The following MYT1L variants were observed in gnomAD, a reference collection of about 807,000 sequenced individuals.
MYT1L encodes the protein myelin transcription factor 1 like, also known as myelin transcription factor 1-like protein.
A neutral mutation model predicts 126.7 loss-of-function variants in MYT1L; 12 were observed. That is an observed-to-expected ratio of 0.09 (90% confidence interval 0.06 to 0.15). The LOEUF (loss-of-function observed/expected upper bound fraction) is 0.15, where lower values mean the gene tolerates loss of function less well. MYT1L is among the 10% of genes least tolerant of loss of function. MYT1L has a pLI of 1.00. For missense variants in MYT1L, 979 were observed against 1,585.2 expected (o/e 0.62, Z 6.49); for synonymous variants, 541 against 604.2 (o/e 0.90, Z 1.53).
At chr2:2,037,717 C>T in intron 4 of MYT1L, among the ~76,000 whole-genome samples, 1 of 151,380 alleles carries the variant, frequency 6.6e-6, no homozygotes, top group Middle Eastern at 3.2e-3. Flanking sequence ...GATTGTGCCA[C>T]TTGCACTCCA....
intron 3 of MYT1L, among the ~76,000 whole-genome samples, chr2:2,067,279 A>G (rs2073998974): frequency 6.6e-6 from 1 of 152,232 alleles, no homozygotes; most frequent in Non-Finnish European, 1.5e-5. Flanking sequence ...AGGCCTATGA[A>G]TATTGCATGA....
intron 2 of MYT1L, among the ~76,000 whole-genome samples, chr2:2,197,602 CAT>C (rs1324760957): frequency 2.0e-5 from 3 of 149,542 alleles, no homozygotes; most frequent in African/African-American, 7.4e-5. Flanking sequence ...ATATATGTAA[CAT>C]ATACACACGT....
intron 8 of MYT1L, among the ~76,000 whole-genome samples, chr2:1,969,130 T>C (rs1012997966): frequency 3.9e-5 from 6 of 152,220 alleles, no homozygotes; most frequent in African/African-American, 1.4e-4. Flanking sequence ...AGTCCCTGAT[T>C]AGAAATCACC....
At chr2:2,006,752 T>G (rs2063366474) in intron 4 of MYT1L, among the ~76,000 whole-genome samples, 3 of 151,970 alleles carry the variant, frequency 2.0e-5, no homozygotes, top group African/African-American at 7.3e-5. Context: ...ATTTTTGTAT[T>G]TTTAGTAGAG....
In MYT1L at chr2:1,838,903, G is replaced by A. The variant is rs538504241; in HGVS notation, c.3080+246C>T. Among the ~76,000 whole-genome samples, 6 of 152,268 alleles carry A rather than the reference G, an allele frequency of 3.9e-5. No individual in the cohort carries two copies. The East Asian group carries it at 7.7e-4, about 20-fold the overall frequency. Reference sequence around the variant, plus strand: ...TACTGTGGATTCTAGTTTCAAAAACGGAAAACTGCTGTGGTCATCTATAGA... The same window carrying A: ...TACTGTGGATTCTAGTTTCAAAAACAGAAAACTGCTGTGGTCATCTATAGA... On this transcript the variant is annotated intron_variant, in intron 21 of 24. Transcript: ENST00000647738.
intron 9 of MYT1L, among the ~76,000 whole-genome samples, chr2:1,942,399 C>T (rs2149259103): frequency 6.6e-6 from 1 of 152,310 alleles, no homozygotes; most frequent in Middle Eastern, 3.4e-3. Context: ...AGATCAGAAA[C>T]AGCTCTCACA....
Position 1,831,544 on chromosome 2 carries a change from C to T in MYT1L, c.3080+7605G>A, listed in dbSNP as rs981304606. 1.2e-4 allele frequency among the ~76,000 whole-genome samples: 19 copies of T among 152,332 alleles called. No homozygotes were observed. In the East Asian group the frequency reaches 1.7e-3, roughly 14 times the overall value. On this transcript the variant is annotated intron_variant, in intron 21 of 24. Coordinates refer to ENST00000647738, the MANE Select transcript of MYT1L (RefSeq NM_001303052.2). ...ACAACCCCCTGAACTTTCCATCTGA[C>T]TCTCGTCCTATCTCAGTCTGGTTTT...
intron 18 of MYT1L, among the ~76,000 whole-genome samples, chr2:1,860,746 T>C (rs554529705): frequency 5.9e-5 from 9 of 152,136 alleles, no homozygotes; most frequent in Non-Finnish European, 1.3e-4. Context: ...TTTGTCCTTA[T>C]CACTCTCAGA....
At chr2:1,796,365 G>A (rs1044122371) in intron 23 of MYT1L, among the ~76,000 whole-genome samples, 3 of 152,228 alleles carry the variant, frequency 2.0e-5, no homozygotes, top group African/African-American at 7.2e-5. Flanking sequence ...CAAGGAAAGT[G>A]TCCTCGTGCA....
chr2:1,922,633 A>G lies in MYT1L; in HGVS notation c.1136T>C (p.Met379Thr). The change falls in exon 10 of 25, where the codon ATG (methionine) becomes ACG (threonine). Residue 379 changes from methionine (M) to threonine (T), a missense_variant. By Grantham distance (81) the Met-to-Thr change is moderately conservative (BLOSUM62 -1). Transcript: ENST00000647738. This position sits in a 1 kb window ranked among gnomAD's most constrained non-coding sequence, Gnocchi z 7.4. Reference sequence around the variant, plus strand: ...CTCCTCCAGCCGCATGAGGTTCAGCATGTCCGAGTAGTTTCTGTCCGGCGT... The same window carrying G: ...CTCCTCCAGCCGCATGAGGTTCAGCGTGTCCGAGTAGTTTCTGTCCGGCGT... Reference protein sequence around the residue: ...GRTPDRNYSDMLNLMRLEEQL... With the variant: ...GRTPDRNYSDTLNLMRLEEQL... The G allele has an allele frequency of 6.2e-7, 1 of 1,613,952 alleles. No individual in the cohort carries two copies. The highest frequency in any genetic ancestry group is 8.5e-7 in the Non-Finnish European group (1 of 1,179,868).
chr2:2,022,395 C>G (rs1161154411), intron 4 of MYT1L, among the ~76,000 whole-genome samples: 1 of 152,174 alleles, frequency 6.6e-6, no homozygotes, highest in African/African-American at 2.4e-5. Context: ...TTTTATGGGA[C>G]AGTGTTTTCC....
chr2:1,791,659 T>C lies in MYT1L; in HGVS notation c.*208A>G. On this transcript the variant is annotated 3_prime_UTR_variant, in exon 25 of 25. Transcript: ENST00000647738. The surrounding 1 kb of genome is among the most constrained non-coding windows in gnomAD (Gnocchi z 6.0). ...TGGCAGAACACTATGTCAGCTTACATGGAAACGTACAAAATGTGGGTGTAT... is the reference window on the plus strand; with the variant it reads ...TGGCAGAACACTATGTCAGCTTACACGGAAACGTACAAAATGTGGGTGTAT... The C allele has an allele frequency of 1.9e-6, 1 of 525,522 alleles. No individual in the cohort carries two copies. The allele number at this position is 525,522 out of a possible 1,614,324, so 32.6% of individuals were successfully genotyped here.
chr2:1,802,664 C>T (rs2035055010), intron 22 of MYT1L, among the ~76,000 whole-genome samples: 1 of 152,178 alleles, frequency 6.6e-6, no homozygotes. Context: ...CCCATATTTA[C>T]AAAGGCCATT....
At chr2:2,186,916 TATC>T (rs1182067572) in intron 2 of MYT1L, among the ~76,000 whole-genome samples, 7 of 152,232 alleles carry the variant, frequency 4.6e-5, no homozygotes, top group Non-Finnish European at 1.0e-4. Context: ...CTGTGTGCAA[TATC>T]ATCTTCTGAA....
intron 21 of MYT1L, chr2:1,816,395 G>C (rs1052032581): frequency 6.6e-6 from 1 of 152,618 alleles, no homozygotes; most frequent in African/African-American, 2.4e-5. Context: ...AGAGCTCTCC[G>C]CCGGGTTCCC....
chr2:2,038,598 C>CT (rs2067151595), intron 4 of MYT1L, among the ~76,000 whole-genome samples: 2 of 152,038 alleles, frequency 1.3e-5, no homozygotes, highest in Admixed American at 6.6e-5. Flanking sequence ...CACCAAATAT[C>CT]TCCCCTTCAA....
intron 4 of MYT1L, among the ~76,000 whole-genome samples, chr2:2,005,494 G>A (rs978780542): frequency 1.6e-4 from 23 of 146,888 alleles, no homozygotes; most frequent in Non-Finnish European, 1.9e-4. Flanking sequence ...GTTCTTTCCT[G>A]CAGGCATTCT....
In MYT1L at chr2:1,889,155, T is replaced by C. The variant is rs1573256484; in HGVS notation, c.2520+86A>G. The stretch of plus-strand genomic sequence containing the variant: ...TTTAAAGAGAAAATATATTTTCTCA[T>C]AACGTATGTGCAAATGGCTTTTCTT... On this transcript the variant is annotated intron_variant, in intron 16 of 24. Transcript: ENST00000647738. This position sits in a 1 kb window ranked among gnomAD's most constrained non-coding sequence, Gnocchi z 4.1. The C allele has an allele frequency of 3.1e-6, 3 of 983,484 alleles. No individual in the cohort carries two copies. The highest frequency in any genetic ancestry group is 4.6e-5 in the Admixed American group (2 of 43,526). 60.9% of individuals were successfully genotyped at this position (983,484 alleles called of 1,614,324 possible). A position where few individuals can be genotyped will look rare whatever the true frequency, so the allele number is the denominator to read the frequency against.
At chr2:1,947,998 C>T (rs555441911) in intron 8 of MYT1L, among the ~76,000 whole-genome samples, 13 of 152,226 alleles carry the variant, frequency 8.5e-5, no homozygotes, top group African/African-American at 2.2e-4. Context: ...ACCCGGACTC[C>T]GGCTGGGCCT....
Sources: gnomAD v4.1 joint callset for allele counts (sites outside exome capture counted in the v4.1 genomes callset) on GRCh38, gnomAD v4.1.1 for gene constraint, Gnocchi (gnomAD v3.1) non-coding constraint, MANE v1.5 for transcripts, NCBI Gene and HGNC (gene_info 2026-07-23, HGNC 2026-07-21) for gene names.